PTBP3: variants seen among roughly 807,000 people sequenced by gnomAD.
PTBP3 encodes the protein polypyrimidine tract binding protein 3, also known as polypyrimidine tract-binding protein 3.
Under a neutral mutation model 58.7 loss-of-function variants are expected in PTBP3, and 20 were observed. That is an observed-to-expected ratio of 0.34 (90% CI 0.24 to 0.50). PTBP3 has a LOEUF of 0.50. Ranked by LOEUF, PTBP3 falls within the 20% of genes least tolerant of loss-of-function variation. The pLI, the probability that PTBP3 is intolerant of heterozygous loss-of-function variation, is 0.98. For synonymous variants in PTBP3, 185 were observed against 219.8 expected (o/e 0.84, Z 1.40); for missense variants, 509 against 637.2 (o/e 0.80, Z 2.17).
chr9:112,339,942 A>G, the PTBP3 span, among the ~76,000 whole-genome samples: 1 of 152,074 alleles, frequency 6.6e-6, no homozygotes, highest in Non-Finnish European at 1.5e-5. Flanking sequence ...AAAAATTCAT[A>G]TTTATTTAAA....
Position 112,221,785 on chromosome 9 carries a change from T to C in PTBP3, c.*2066A>G, listed in dbSNP as rs1834816998. On this transcript the variant is annotated 3_prime_UTR_variant, in exon 14 of 14. Coordinates refer to ENST00000374257, the MANE Select transcript of PTBP3 (RefSeq NM_001163788.4). ...GTGTTGCTCAGTGGTGAGTGAATTC[T>C]GCTTTTTAAACAATCTGTATCATCT... The C allele has an allele frequency of 1.0e-6, 1 of 985,364 alleles. No individual in the cohort carries two copies. The highest frequency in any genetic ancestry group is 1.2e-6 in the Non-Finnish European group (1 of 829,838). 61.0% of individuals were successfully genotyped at this position (985,364 alleles called of 1,614,324 possible). A position where few individuals can be genotyped will look rare whatever the true frequency, so the allele number is the denominator to read the frequency against.
chr9:112,247,249 G>T (rs534651778), intron 7 of PTBP3, among the ~76,000 whole-genome samples: 2 of 148,746 alleles, frequency 1.3e-5, no homozygotes, highest in South Asian at 4.3e-4. Flanking sequence ...CTGGGCAACA[G>T]ATTAAGTCCC....
chr9:112,287,334 G>GTTTTTTTTTTTTTTTTTT lies in PTBP3; in HGVS notation c.34+10497_34+10498insAAAAAAAAAAAAAAAAAA. Among the ~76,000 whole-genome samples, 2 of 96,080 alleles carry GTTTTTTTTTTTTTTTTTT rather than the reference G, an allele frequency of 2.1e-5. 1 individual carries two copies. Among genetic ancestry groups the GTTTTTTTTTTTTTTTTTT allele is most frequent in the Non-Finnish European group, 3.8e-5 (2 of 52,590 alleles). 63.0% of individuals were successfully genotyped at this position (96,080 alleles called of 152,430 possible). On this transcript the variant is annotated intron_variant, in intron 2 of 13. Coordinates refer to ENST00000374257, the MANE Select transcript of PTBP3 (RefSeq NM_001163788.4). ...TAAGGCTCTGTTCACTTCTTTTTCA[G>GTTTTTTTTTTTTTTTTTT]TTTTTTGTTTTTTTTTTTTTTTTGA... is the stretch of plus-strand genomic sequence containing the variant.
rs1214563282 is a variant in PTBP3 at position 112,231,962 on chromosome 9, GAGAAGAGAGAAGAGA to G, written c.1020+122_1020+136del. The G allele has an allele frequency of 2.2e-4, 73 of 328,094 alleles. 1 individual carries two copies. Among genetic ancestry groups the G allele is most frequent in the Middle Eastern group, 7.4e-4 (1 of 1,356 alleles). The allele number at this position is 328,094 out of a possible 1,614,324, so 20.3% of individuals were successfully genotyped here. A position where few individuals can be genotyped will look rare whatever the true frequency, so the allele number is the denominator to read the frequency against. Reference sequence around the variant, plus strand: ...GAGAAGAGAAGAGAAGAGAAGAGAAGAGAAGAGAGAAGAGAAGAGAAGAGAAGAGAAGAGAAGAGA... The same window carrying G: ...GAGAAGAGAAGAGAAGAGAAGAGAAGAGAGAAGAGAAGAGAAGAGAAGAGA... On this transcript the variant is annotated intron_variant, in intron 9 of 13. Transcript: ENST00000374257.
the PTBP3 span, among the ~76,000 whole-genome samples, chr9:112,361,917 T>C: frequency 8.1e-4 from 124 of 152,360 alleles, no homozygotes; most frequent in African/African-American, 2.8e-3. Flanking sequence ...CTTTCCTTTT[T>C]TTTATTATAG....
At chr9:112,351,245 G>A in the PTBP3 span, among the ~76,000 whole-genome samples, 1 of 152,210 alleles carries the variant, frequency 6.6e-6, no homozygotes, top group Non-Finnish European at 1.5e-5. Context: ...CACTTGCCTC[G>A]TTTGTGATGA....
chr9:112,270,433 C>T (rs1475084895), intron 3 of PTBP3, among the ~76,000 whole-genome samples: 4 of 152,110 alleles, frequency 2.6e-5, no homozygotes, highest in Admixed American at 6.5e-5. Context: ...CTAAACTGGC[C>T]AGAAAAGAGT....
chr9:112,234,835 A>C lies in PTBP3; in HGVS notation c.865T>G (p.Phe289Val). 1 of 1,612,420 alleles carries C rather than the reference A, an allele frequency of 6.2e-7. No homozygotes were observed. Among genetic ancestry groups the C allele is most frequent in the Non-Finnish European group, 8.5e-7 (1 of 1,178,684 alleles). The change falls in exon 8 of 14, where the codon TTT becomes GTT. Residue 289 changes from phenylalanine (F) to valine (V), a missense_variant. This residue lies in a region of PTBP3 where 121 missense variants were observed against 114.8 expected (regional missense o/e 1.05). Transcript: ENST00000374257. ...AAAGAATCACCTGTAGCTTGAGGAAATCCAATGGCTGGGGCAAATCCAGCA... is the reference window on the plus strand; with the variant it reads ...AAAGAATCACCTGTAGCTTGAGGAACTCCAATGGCTGGGGCAAATCCAGCA... ...GAAGFAPAIG[F>V]PQATGLSVPA...
At chr9:112,260,596 AGACAGAAATGGACTAAG>A (rs1427718100) in intron 5 of PTBP3, among the ~76,000 whole-genome samples, 1 of 152,206 alleles carries the variant, frequency 6.6e-6, no homozygotes. Flanking sequence ...AAGAAATACA[AGACAGAAATGGACTAAG>A]GACAGAACTA....
At chr9:112,377,298 C>T in the PTBP3 span, among the ~76,000 whole-genome samples, 2 of 152,152 alleles carry the variant, frequency 1.3e-5, no homozygotes, top group Admixed American at 1.3e-4. Flanking sequence ...TACAGTGAGC[C>T]ATGATCATGC....
chr9:112,231,740 A>G (rs1454385480), intron 9 of PTBP3, among the ~76,000 whole-genome samples: 1 of 112,130 alleles, frequency 8.9e-6, no homozygotes, highest in Non-Finnish European at 1.9e-5. Context: ...TGTTTTTACA[A>G]AAGAATTAAA....
At chr9:112,285,747 T>C (rs1330791079) in intron 2 of PTBP3, among the ~76,000 whole-genome samples, 1 of 152,216 alleles carries the variant, frequency 6.6e-6, no homozygotes, top group African/African-American at 2.4e-5. Context: ...CCTTTAGTAT[T>C]TTTCACGATT....
At chr9:112,309,381 A>T (rs1308967047) in intron 1 of PTBP3, among the ~76,000 whole-genome samples, 1 of 152,188 alleles carries the variant, frequency 6.6e-6, no homozygotes, top group Non-Finnish European at 1.5e-5. Flanking sequence ...TCACTATACC[A>T]TATGCATGTA....
chr9:112,301,003 T>C (rs543164315), intron 1 of PTBP3, among the ~76,000 whole-genome samples: 133 of 151,880 alleles, frequency 8.8e-4, no homozygotes, highest in East Asian at 7.6e-3. Flanking sequence ...AATAAATAAA[T>C]AAATAAACTG....
intron 2 of PTBP3, among the ~76,000 whole-genome samples, chr9:112,278,745 C>G (rs560419543): frequency 6.6e-6 from 1 of 152,254 alleles, no homozygotes; most frequent in South Asian, 2.1e-4. Flanking sequence ...CTGTTCTGAG[C>G]AAGTTATTTA....
intron 1 of PTBP3, among the ~76,000 whole-genome samples, chr9:112,303,790 G>C (rs958539921): frequency 6.6e-6 from 1 of 151,934 alleles, no homozygotes; most frequent in Non-Finnish European, 1.5e-5. Context: ...CTTGAACCTG[G>C]GAGGCAGAGG....
chr9:112,275,675 C>T (rs1827578379), intron 3 of PTBP3, among the ~76,000 whole-genome samples, 169 bp downstream of exon 3: 1 of 152,048 alleles, frequency 6.6e-6, no homozygotes, highest in African/African-American at 2.4e-5. Context: ...TGTGTTACTA[C>T]TGTTTGTTGC....
chr9:112,244,829 CT>C (rs574409288), intron 7 of PTBP3, among the ~76,000 whole-genome samples: 40 of 148,332 alleles, frequency 2.7e-4, no homozygotes, highest in Middle Eastern at 3.5e-3. Flanking sequence ...ACTGCTGCTG[CT>C]TTTTTTTTTG....
chr9:112,369,824 T>C, the PTBP3 span, among the ~76,000 whole-genome samples: 1 of 152,078 alleles, frequency 6.6e-6, no homozygotes, highest in Admixed American at 6.6e-5. Context: ...AAATTGTAGC[T>C]CCCATAATAC....
Sources: allele counts gnomAD v4.1 joint callset (sites outside exome capture counted in the v4.1 genomes callset), GRCh38; gene constraint gnomAD v4.1.1; regional missense constraint gnomAD v4.1.1; transcripts MANE v1.5; gene names NCBI Gene and HGNC (gene_info 2026-07-23, HGNC 2026-07-21).